FRMD4A: variants seen among roughly 807,000 people sequenced by gnomAD.
FRMD4A encodes FERM domain containing 4A, also known as FERM domain-containing protein 4A.
In FRMD4A, 29 loss-of-function variants were observed where a neutral mutation model predicts 129.1. The observed-to-expected ratio is 0.22, with a 90% CI of 0.17 to 0.31. The LOEUF is 0.31. FRMD4A is among the 10% of genes least tolerant of loss of function. FRMD4A has a pLI of 1.00. For missense variants in FRMD4A, 1,272 were observed against 1,375.8 expected (o/e 0.92, Z 1.19); for synonymous variants, 634 against 571.6 (o/e 1.11, Z -1.56).
At chr10:13,976,460 G>T (rs778772631) in intron 2 of FRMD4A, among the ~76,000 whole-genome samples, 7 of 152,108 alleles carry the variant, frequency 4.6e-5, no homozygotes, top group Admixed American at 1.3e-4. Flanking sequence ...CGTCCCACTG[G>T]TTAATCATCT....
chr10:14,123,107 CTATT>C (rs1314429127), intron 2 of FRMD4A, among the ~76,000 whole-genome samples: 1 of 105,158 alleles, frequency 9.5e-6, no homozygotes, highest in African/African-American at 3.7e-5. Context: ...ACCTTTTAAA[CTATT>C]TGCAAAAAAA....
intron 2 of FRMD4A, among the ~76,000 whole-genome samples, chr10:14,253,407 A>C (rs971641115): frequency 6.6e-6 from 1 of 152,206 alleles, no homozygotes; most frequent in African/African-American, 2.4e-5. Context: ...TTTTTGTGCA[A>C]GTGTAATTGC....
At chr10:13,764,167 T>TCACATCCA (rs2092186073) in intron 6 of FRMD4A, among the ~76,000 whole-genome samples, 1 of 149,300 alleles carries the variant, frequency 6.7e-6, no homozygotes. Flanking sequence ...AACATATCGA[T>TCACATCCA]CACATCCAAA....
Position 13,659,456 on chromosome 10 carries a change from C to T in FRMD4A, c.1933G>A (p.Ala645Thr). ...GAGTTGCTTCCTCCGCCGGCTTCCGCACAGCTTCCTGTGCTGGGGAAGCGC... is the reference window on the plus strand; with the variant it reads ...GAGTTGCTTCCTCCGCCGGCTTCCGTACAGCTTCCTGTGCTGGGGAAGCGC... ...HKRFPSTGSC[A>T]EAGGGSNSLQ... is the part of the protein sequence containing the mutation. The change falls in exon 21 of 25, where the codon GCG becomes ACG. Residue 645 changes from alanine (A) to threonine (T), a missense_variant. Around this residue, in one of 2 missense-constraint regions of FRMD4A, gnomAD observed 972 missense variants for 892.3 expected, o/e 1.09. Coordinates refer to ENST00000357447, the MANE Select transcript of FRMD4A (RefSeq NM_018027.5). 6.2e-7 allele frequency: 1 copy of T among 1,613,756 alleles called. No individual in the cohort carries two copies. Among genetic ancestry groups the T allele is most frequent in the Non-Finnish European group, 8.5e-7 (1 of 1,179,972 alleles).
intron 24 of FRMD4A, among the ~76,000 whole-genome samples, chr10:13,650,144 G>GT (rs2134413181): frequency 6.6e-6 from 1 of 152,350 alleles, no homozygotes; most frequent in African/African-American, 2.4e-5. Context: ...ATCTCACAGG[G>GT]TTTTGTGGTT....
At chr10:14,260,787 T>A (rs1844774824) in intron 2 of FRMD4A, among the ~76,000 whole-genome samples, 1 of 152,188 alleles carries the variant, frequency 6.6e-6, no homozygotes, top group Admixed American at 6.5e-5. Context: ...TCCTTAACTA[T>A]AAAAGTGTAT....
At chr10:13,893,786 C>T (rs764502748) in intron 2 of FRMD4A, among the ~76,000 whole-genome samples, 4 of 152,202 alleles carry the variant, frequency 2.6e-5, no homozygotes, top group Non-Finnish European at 5.9e-5. Context: ...GTTGGGATTA[C>T]AGGCGTGAGC....
At chr10:13,789,665 G>A (rs1379216756) in intron 5 of FRMD4A, among the ~76,000 whole-genome samples, 1 of 151,158 alleles carries the variant, frequency 6.6e-6, no homozygotes, top group Non-Finnish European at 1.5e-5. Flanking sequence ...CTTGCCTGGT[G>A]AACAATATCA....
In FRMD4A at chr10:13,656,927, C is replaced by T. The variant is rs368649469; in HGVS notation, c.2662G>A (p.Gly888Ser). ...LFKESWRGGGGDEGDTGRLTP... is the reference protein window; with the variant it reads ...LFKESWRGGGSDEGDTGRLTP... The stretch of plus-strand genomic sequence containing the variant: ...AGGCGGCCCGTGTCGCCCTCGTCGC[C>T]GCCGCCGCCGCGCCAGCTCTCCTTG... The change falls in exon 22 of 25, where the codon GGC becomes AGC. Residue 888 changes from glycine to serine, a missense_variant. Coordinates refer to ENST00000357447, the MANE Select transcript of FRMD4A (RefSeq NM_018027.5). 3.7e-4 allele frequency: 548 copies of T among 1,498,696 alleles called. No homozygotes were observed. The highest frequency in any genetic ancestry group is 8.7e-4 in the Middle Eastern group (5 of 5,764). 92.8% of individuals were successfully genotyped at this position (1,498,696 alleles called of 1,614,324 possible).
chr10:13,809,868 A>G (rs2093417260), intron 4 of FRMD4A, among the ~76,000 whole-genome samples: 1 of 152,218 alleles, frequency 6.6e-6, no homozygotes, highest in East Asian at 1.9e-4. Flanking sequence ...TTCCACTTGC[A>G]TCTCACCAAG....
At chr10:14,006,294 C>T (rs1230680214) in intron 2 of FRMD4A, among the ~76,000 whole-genome samples, 2 of 152,202 alleles carry the variant, frequency 1.3e-5, no homozygotes, top group East Asian at 3.8e-4. Context: ...AGACCATACT[C>T]ATGTTAAGGC....
chr10:14,269,417 T>A (rs1536910), intron 2 of FRMD4A, among the ~76,000 whole-genome samples: 65,509 of 151,958 alleles, frequency 0.43, 14,434 homozygotes, highest in Middle Eastern at 0.51. Context: ...GGGTGTCCAC[T>A]GGGCTGTGTT....
chr10:13,807,712 G>C (rs1301227258), intron 4 of FRMD4A, among the ~76,000 whole-genome samples: 1 of 151,748 alleles, frequency 6.6e-6, no homozygotes, highest in Non-Finnish European at 1.5e-5. Context: ...GTTTCATCTA[G>C]ATCCCACAAA....
chr10:14,128,737 G>C (rs1038762600), intron 2 of FRMD4A, among the ~76,000 whole-genome samples: 1 of 152,158 alleles, frequency 6.6e-6, no homozygotes, highest in African/African-American at 2.4e-5. Flanking sequence ...AGCACCACAT[G>C]CATATTAAAT....
intron 2 of FRMD4A, among the ~76,000 whole-genome samples, chr10:14,275,201 C>T (rs999596615): frequency 6.6e-6 from 1 of 152,202 alleles, no homozygotes; most frequent in African/African-American, 2.4e-5. Flanking sequence ...CCTCTCTTGA[C>T]TCTGACCTCC....
intron 2 of FRMD4A, among the ~76,000 whole-genome samples, chr10:14,237,687 T>G (rs920033471): frequency 1.3e-5 from 2 of 152,166 alleles, no homozygotes; most frequent in Non-Finnish European, 2.9e-5. Context: ...GAATTCCAGC[T>G]CTGTTTATGC....
intron 2 of FRMD4A, among the ~76,000 whole-genome samples, chr10:14,147,466 T>C (rs898816743): frequency 1.3e-5 from 2 of 152,172 alleles, no homozygotes; most frequent in African/African-American, 4.8e-5. Flanking sequence ...GCTTTATTTG[T>C]ATTATTATAA....
chr10:14,219,665 G>C (rs958754248), intron 2 of FRMD4A, among the ~76,000 whole-genome samples: 1 of 152,128 alleles, frequency 6.6e-6, no homozygotes, highest in African/African-American at 2.4e-5. Flanking sequence ...AGACATGAGA[G>C]TACACAGAGA....
At chr10:13,857,397 T>G (rs2094228318) in intron 3 of FRMD4A, among the ~76,000 whole-genome samples, 1 of 152,180 alleles carries the variant, frequency 6.6e-6, no homozygotes, top group South Asian at 2.1e-4. Flanking sequence ...GTACTATGAT[T>G]ACAGCCATGC....
Sources: gnomAD v4.1 joint callset for allele counts (sites outside exome capture counted in the v4.1 genomes callset) on GRCh38, gnomAD v4.1.1 for gene constraint, gnomAD v4.1.1 regional missense constraint, MANE v1.5 for transcripts, NCBI Gene and HGNC (gene_info 2026-07-23, HGNC 2026-07-21) for gene names.